CHST11: variants seen among roughly 807,000 people sequenced by gnomAD.
CHST11 encodes carbohydrate sulfotransferase 11.
A neutral mutation model predicts 30.4 loss-of-function variants in CHST11; 9 were observed. The ratio of observed to expected loss-of-function variants is 0.30; its 90% CI spans 0.18 to 0.52. The LOEUF is 0.52. Ranked by LOEUF, CHST11 falls within the 20% of genes least tolerant of loss-of-function variation. CHST11 has a pLI of 0.97. For synonymous variants in CHST11, 152 were observed against 187.8 expected, an observed-to-expected ratio of 0.81 and a Z score of 1.56; for missense variants, 348 against 460.6, an observed-to-expected ratio of 0.76 and a Z score of 2.24.
intron 2 of CHST11, among the ~76,000 whole-genome samples, chr12:104,659,840 G>A (rs2039582313): frequency 6.6e-6 from 1 of 150,804 alleles, no homozygotes; most frequent in African/African-American, 2.4e-5. Flanking sequence ...AAATTAGCTG[G>A]GTATGGTGGC....
At chr12:104,472,471 G>T (rs1460449508) in intron 1 of CHST11, among the ~76,000 whole-genome samples, 1 of 151,870 alleles carries the variant, frequency 6.6e-6, no homozygotes, top group Non-Finnish European at 1.5e-5. Context: ...TTAATCAGTC[G>T]CTATCTGAAG....
chr12:104,544,138 A>AAAAAGAAAGAAAG (rs1555231335), intron 1 of CHST11, among the ~76,000 whole-genome samples: 22 of 71,726 alleles, frequency 3.1e-4, no homozygotes, highest in South Asian at 7.8e-4. Context: ...AAAAAAAAAA[A>AAAAAGAAAGAAAG]AAAGAAAGAA....
intron 1 of CHST11, among the ~76,000 whole-genome samples, chr12:104,497,514 T>C (rs536607333): frequency 6.6e-5 from 10 of 152,332 alleles, no homozygotes; most frequent in African/African-American, 2.4e-4. Context: ...TATTTTGTTA[T>C]GGCAGCCCAG....
intron 1 of CHST11, among the ~76,000 whole-genome samples, chr12:104,571,884 T>G (rs1353733463): frequency 2.0e-5 from 3 of 152,238 alleles, no homozygotes. Context: ...TTGAGATACG[T>G]CCCATCAATA....
intron 2 of CHST11, among the ~76,000 whole-genome samples, chr12:104,654,749 C>T (rs973382079): frequency 2.0e-5 from 3 of 152,142 alleles, no homozygotes; most frequent in South Asian, 2.1e-4. Flanking sequence ...CAAGGTCACA[C>T]GCAGACAGAC....
chr12:104,751,467 G>T (rs2040431175), intron 2 of CHST11, among the ~76,000 whole-genome samples: 1 of 152,264 alleles, frequency 6.6e-6, no homozygotes, highest in South Asian at 2.1e-4. Context: ...GAATACATCG[G>T]CTAAGAAGTC....
At chr12:104,507,665 CAT>C (rs2037919405) in intron 1 of CHST11, among the ~76,000 whole-genome samples, 1 of 152,184 alleles carries the variant, frequency 6.6e-6, no homozygotes. Flanking sequence ...TGGCCTTGCT[CAT>C]GTCTGGATGG....
intron 2 of CHST11, among the ~76,000 whole-genome samples, chr12:104,604,226 GAGCAGT>G (rs1592789174): frequency 1.3e-5 from 2 of 152,158 alleles, no homozygotes; most frequent in African/African-American, 4.8e-5. Flanking sequence ...CAGGCCTATT[GAGCAGT>G]AGCCTGGGAC....
At chr12:104,483,814 G>A (rs930992359) in intron 1 of CHST11, among the ~76,000 whole-genome samples, 2 of 152,182 alleles carry the variant, frequency 1.3e-5, no homozygotes, top group Non-Finnish European at 2.9e-5. Flanking sequence ...AATGACCCAG[G>A]TGAGGCCTGG....
chr12:104,474,882 A>G (rs1458818690), intron 1 of CHST11, among the ~76,000 whole-genome samples: 4 of 152,196 alleles, frequency 2.6e-5, no homozygotes, highest in African/African-American at 9.7e-5. Flanking sequence ...GCATGGGGGA[A>G]GGTCCTTGGA....
intron 2 of CHST11, among the ~76,000 whole-genome samples, chr12:104,652,909 A>G (rs530999314): frequency 6.6e-6 from 1 of 152,238 alleles, no homozygotes; most frequent in East Asian, 1.9e-4. Flanking sequence ...CACACTCCCT[A>G]CGCACATCTT....
chr12:104,626,578 C>CAAAAA (rs34633763), intron 2 of CHST11, among the ~76,000 whole-genome samples: 1 of 78,160 alleles, frequency 1.3e-5, no homozygotes, highest in Non-Finnish European at 3.2e-5. Flanking sequence ...CCTCCCCACC[C>CAAAAA]AAAAAAAAAA....
chr12:104,469,078 A>G (rs1474791112), intron 1 of CHST11, among the ~76,000 whole-genome samples: 1 of 152,216 alleles, frequency 6.6e-6, no homozygotes, highest in Non-Finnish European at 1.5e-5. Context: ...CTCCATGTCA[A>G]CAAGATGCTG....
intron 1 of CHST11, among the ~76,000 whole-genome samples, chr12:104,578,966 A>G (rs985276807): frequency 2.5e-4 from 38 of 152,198 alleles, no homozygotes; most frequent in African/African-American, 3.4e-4. Context: ...TTGAGGGCCT[A>G]TTTTGGGCCT....
At chr12:104,721,357 A>T (rs1294764599) in intron 2 of CHST11, among the ~76,000 whole-genome samples, 1 of 152,168 alleles carries the variant, frequency 6.6e-6, no homozygotes, top group Admixed American at 6.5e-5. Context: ...TTCAGCATAG[A>T]GCCTTTAATC....
intron 2 of CHST11, among the ~76,000 whole-genome samples, chr12:104,705,059 G>A (rs1460326424): frequency 2.6e-5 from 4 of 152,200 alleles, no homozygotes; most frequent in Non-Finnish European, 1.5e-5. Context: ...CCCTCAGAGA[G>A]GATGGGCCAG....
At chr12:104,730,462 G>A (rs1419245418) in intron 2 of CHST11, among the ~76,000 whole-genome samples, 4 of 152,228 alleles carry the variant, frequency 2.6e-5, no homozygotes, top group Non-Finnish European at 5.9e-5. Flanking sequence ...CATGCTAGGT[G>A]TGAGGGAGGG....
intron 2 of CHST11, among the ~76,000 whole-genome samples, chr12:104,648,511 T>A (rs1290417041): frequency 2.0e-5 from 3 of 152,140 alleles, no homozygotes; most frequent in African/African-American, 7.2e-5. Flanking sequence ...GCCCCACTTA[T>A]AAAGATCTGA....
chr12:104,495,294 T>A (rs1490218035), intron 1 of CHST11, among the ~76,000 whole-genome samples: 1 of 152,280 alleles, frequency 6.6e-6, no homozygotes, highest in Non-Finnish European at 1.5e-5. Context: ...TGTGTAAATA[T>A]CTCTCCGGAA....
Sources: allele counts gnomAD v4.1 joint callset (sites outside exome capture counted in the v4.1 genomes callset), GRCh38; gene constraint gnomAD v4.1.1; transcripts MANE v1.5; gene names NCBI Gene and HGNC (gene_info 2026-07-23, HGNC 2026-07-21).